PRKACB: variants seen among roughly 807,000 people sequenced by gnomAD.
The protein encoded by PRKACB is cAMP-dependent protein kinase catalytic subunit beta.
PRKACB carries 16 observed loss-of-function variants against 51.4 expected under a neutral mutation model. The observed-to-expected ratio is 0.31, with a 90% CI of 0.21 to 0.47. The LOEUF (loss-of-function observed/expected upper bound fraction) is 0.47. Ranked by LOEUF, PRKACB falls within the 20% of genes least tolerant of loss-of-function variation. The pLI, the probability that PRKACB is intolerant of heterozygous loss-of-function variation, is 1.00. For synonymous variants in PRKACB, 147 were observed against 154.4 expected, an observed-to-expected ratio of 0.95 and a Z score of 0.35; for missense variants, 309 against 464.5, an observed-to-expected ratio of 0.67 and a Z score of 3.08.
At chr1:84,216,333 C>T (rs1184709531) in intron 9 of PRKACB, among the ~76,000 whole-genome samples, 3 of 151,750 alleles carry the variant, frequency 2.0e-5, no homozygotes, top group Admixed American at 6.6e-5. Context: ...AACAAGACCC[C>T]GTCTCAAAGA....
intron 5 of PRKACB, among the ~76,000 whole-genome samples, chr1:84,189,390 GA>G (rs1666089284): frequency 6.7e-6 from 1 of 149,786 alleles, no homozygotes; most frequent in African/African-American, 2.5e-5. Context: ...TATACTGAAA[GA>G]AAACTTCGTT....
intron 9 of PRKACB, among the ~76,000 whole-genome samples, 163 bp downstream of exon 9, chr1:84,214,480 T>G (rs1273011501): frequency 6.8e-6 from 1 of 147,706 alleles, no homozygotes; most frequent in African/African-American, 2.5e-5. Flanking sequence ...TAAAAATGAG[T>G]TTCCCCCTAG....
intron 2 of PRKACB, among the ~76,000 whole-genome samples, chr1:84,180,767 A>T (rs1663160341): frequency 6.6e-6 from 1 of 151,998 alleles, no homozygotes. Context: ...AAACATTGTG[A>T]TTACAAAATG....
chr1:84,103,654 A>G (rs1250433295), intron 1 of PRKACB, among the ~76,000 whole-genome samples: 1 of 152,170 alleles, frequency 6.6e-6, no homozygotes, highest in East Asian at 1.9e-4. Flanking sequence ...TGGTATAGAG[A>G]TGAACAGTTC....
chr1:84,229,691 A>C (rs1675271909), intron 9 of PRKACB, among the ~76,000 whole-genome samples: 1 of 150,730 alleles, frequency 6.6e-6, no homozygotes, highest in South Asian at 2.1e-4. Flanking sequence ...AGTGATGGTG[A>C]GCATTTTTTC....
intron 5 of PRKACB, among the ~76,000 whole-genome samples, chr1:84,195,019 T>C (rs1035644896): frequency 2.6e-5 from 4 of 152,226 alleles, no homozygotes; most frequent in African/African-American, 9.6e-5. Context: ...AAAGTAATCA[T>C]ATTAATGACA....
At chr1:84,143,450 A>T (rs1274517741), upstream of PRKACB, among the ~76,000 whole-genome samples, 1 of 151,256 alleles carries the variant, frequency 6.6e-6, no homozygotes, top group East Asian at 1.9e-4. Context: ...AACAACGTTT[A>T]AAAAAAAATA....
chr1:84,223,522 C>A (rs1674087404), intron 9 of PRKACB, among the ~76,000 whole-genome samples: 1 of 152,028 alleles, frequency 6.6e-6, no homozygotes, highest in Non-Finnish European at 1.5e-5. Context: ...GCACCCGCCA[C>A]CATGCCCCGG....
chr1:84,197,131 C>T (rs1407200474), intron 6 of PRKACB, among the ~76,000 whole-genome samples: 1 of 152,102 alleles, frequency 6.6e-6, no homozygotes, highest in Admixed American at 6.5e-5. Context: ...ATAGCAAGGT[C>T]ATTTAGCCAA....
chr1:84,199,272 T>C (rs1016484821), intron 7 of PRKACB, among the ~76,000 whole-genome samples: 1 of 151,830 alleles, frequency 6.6e-6, no homozygotes, highest in Non-Finnish European at 1.5e-5. Flanking sequence ...CCAGTACCCA[T>C]AGTTATCTTT....
At chr1:84,154,793 A>C (rs1655259737) in intron 1 of PRKACB, among the ~76,000 whole-genome samples, 1 of 152,154 alleles carries the variant, frequency 6.6e-6, no homozygotes, top group African/African-American at 2.4e-5. Flanking sequence ...GTTATATATA[A>C]TCATCTCAGT....
chr1:84,198,345 T>G (rs191784930), intron 7 of PRKACB, among the ~76,000 whole-genome samples: 21 of 152,238 alleles, frequency 1.4e-4, no homozygotes, highest in African/African-American at 4.3e-4. Context: ...AGAGAAACTG[T>G]ACCTATATCC....
chr1:84,189,943 T>A (rs1313733155), intron 5 of PRKACB, among the ~76,000 whole-genome samples: 1 of 151,932 alleles, frequency 6.6e-6, no homozygotes, highest in African/African-American at 2.4e-5. Context: ...TCCTTTCCAA[T>A]TTCTTTCCCT....
intron 1 of PRKACB, among the ~76,000 whole-genome samples, chr1:84,176,688 A>G (rs936372784): frequency 1.3e-5 from 2 of 151,806 alleles, no homozygotes; most frequent in African/African-American, 2.4e-5. Context: ...ATGTACTCGA[A>G]AAGAAAATCC....
At chr1:84,198,965 ATG>A (rs1669054339) in intron 7 of PRKACB, among the ~76,000 whole-genome samples, 1 of 147,094 alleles carries the variant, frequency 6.8e-6, no homozygotes, top group Non-Finnish European at 1.5e-5. Context: ...ATTCATATAT[ATG>A]TGTATACGCA....
intron 1 of PRKACB, among the ~76,000 whole-genome samples, chr1:84,086,936 A>C (rs956647524): frequency 6.6e-6 from 1 of 152,324 alleles, no homozygotes; most frequent in Non-Finnish European, 1.5e-5. Context: ...TTAACTGTGA[A>C]CAAATCAGAC....
chr1:84,117,081 T>C (rs540581850), intron 1 of PRKACB, among the ~76,000 whole-genome samples: 7 of 152,090 alleles, frequency 4.6e-5, no homozygotes, highest in Non-Finnish European at 7.4e-5. Flanking sequence ...ATAATAATGA[T>C]TTTTTCTGTT....
upstream of PRKACB, among the ~76,000 whole-genome samples, chr1:84,143,484 A>G (rs1653644168): frequency 6.6e-6 from 1 of 152,188 alleles, no homozygotes; most frequent in Admixed American, 6.5e-5. Context: ...AAGTGAGATC[A>G]CTAAATCAGG....
intron 1 of PRKACB, among the ~76,000 whole-genome samples, chr1:84,102,133 G>C (rs1331058574): frequency 6.6e-6 from 1 of 151,926 alleles, no homozygotes; most frequent in East Asian, 1.9e-4. Context: ...CACTTTGGGA[G>C]GCCGAGGTGG....
Sources: gnomAD v4.1 joint callset for allele counts (sites outside exome capture counted in the v4.1 genomes callset) on GRCh38, gnomAD v4.1.1 for gene constraint, MANE v1.5 for transcripts, NCBI Gene and HGNC (gene_info 2026-07-23, HGNC 2026-07-21) for gene names.